The following USP10 variants were observed in gnomAD, a reference collection of about 807,000 sequenced individuals.
The protein encoded by USP10 is ubiquitin specific peptidase 10.
Under a neutral mutation model 84.5 loss-of-function variants are expected in USP10, and 22 were observed. The ratio of observed to expected loss-of-function variants is 0.26; its 90% CI spans 0.19 to 0.37. The LOEUF is 0.37. Ranked by LOEUF, USP10 falls within the 10% of genes least tolerant of loss-of-function variation. USP10 has a pLI of 1.00. For missense variants in USP10, 1,019 were observed against 998.9 expected, an observed-to-expected ratio of 1.02 and a Z score of -0.27; for synonymous variants, 454 against 387.6, an observed-to-expected ratio of 1.17 and a Z score of -2.01.
intron 4 of USP10, among the ~76,000 whole-genome samples, chr16:84,753,470 C>G (rs1912169208): frequency 6.6e-6 from 1 of 152,184 alleles, no homozygotes; most frequent in African/African-American, 2.4e-5. Context: ...AGCTGGCCGT[C>G]ATGCCGGGAG....
chr16:84,722,431 G>A (rs1907933100), intron 1 of USP10, among the ~76,000 whole-genome samples: 1 of 152,176 alleles, frequency 6.6e-6, no homozygotes, highest in African/African-American at 2.4e-5. Context: ...TTTCTTGTGG[G>A]TAAAATGTGG....
chr16:84,766,409 G>T (rs1913867524), intron 10 of USP10, among the ~76,000 whole-genome samples: 1 of 152,252 alleles, frequency 6.6e-6, no homozygotes, highest in Non-Finnish European at 1.5e-5. Context: ...GGTTCCTTGG[G>T]ACACGTCGTG....
chr16:84,769,323 G>A (rs1914185286), intron 11 of USP10, among the ~76,000 whole-genome samples: 2 of 152,228 alleles, frequency 1.3e-5, no homozygotes, highest in Admixed American at 6.5e-5. Context: ...GCACCTTCGG[G>A]GTGTCCTGCT....
intron 1 of USP10, among the ~76,000 whole-genome samples, chr16:84,730,427 A>C (rs906683766): frequency 2.0e-5 from 3 of 152,212 alleles, no homozygotes; most frequent in Admixed American, 2.0e-4. Context: ...AATTATTGAC[A>C]TGAAGTTATA....
chr16:84,764,819 G>C (rs891412455), intron 10 of USP10, among the ~76,000 whole-genome samples: 3 of 150,412 alleles, frequency 2.0e-5, no homozygotes, highest in Non-Finnish European at 4.4e-5. Flanking sequence ...GACAGAGTGA[G>C]ACTCTGTCTC....
intron 10 of USP10, among the ~76,000 whole-genome samples, chr16:84,767,379 T>A (rs1231479762): frequency 1.3e-5 from 2 of 151,942 alleles, no homozygotes; most frequent in African/African-American, 2.4e-5. Context: ...GAAAACAAGG[T>A]CAAATTGGCG....
Position 84,764,273 on chromosome 16 carries a change from T to C in USP10, c.1832+10T>C, listed in dbSNP as rs754221380. On this transcript the variant is annotated intron_variant, in intron 10 of 13. Coordinates refer to ENST00000219473, the MANE Select transcript of USP10 (RefSeq NM_005153.3). ...TTGGTGGACACATCAGGTTTGTGCT[T>C]TTCTGGAATAACTTAATATTTGCCT... The C allele has an allele frequency of 1.2e-6, 2 of 1,613,982 alleles. No homozygotes were observed. The highest frequency in any genetic ancestry group is 1.7e-6 in the Non-Finnish European group (2 of 1,179,878).
intron 2 of USP10, among the ~76,000 whole-genome samples, chr16:84,738,462 A>G (rs569802147): frequency 1.3e-5 from 2 of 152,238 alleles, no homozygotes; most frequent in South Asian, 4.2e-4. Context: ...TTTGAACGAG[A>G]TGGAGGCTTC....
At chr16:84,736,704 A>G (rs1401344533) in intron 2 of USP10, among the ~76,000 whole-genome samples, 1 of 152,148 alleles carries the variant, frequency 6.6e-6, no homozygotes, top group East Asian at 1.9e-4. Context: ...GCCCCCGATG[A>G]CATAGTGTTG....
intron 1 of USP10, among the ~76,000 whole-genome samples, chr16:84,718,571 C>A (rs895500222): frequency 1.4e-4 from 22 of 152,184 alleles, no homozygotes; most frequent in Admixed American, 3.9e-4. Context: ...TCCTGGCCAA[C>A]ATGGTAAAAC....
rs12599947 is a variant in USP10, at chr16:84,762,966, G to A, written c.1555-23G>A. The A allele has an allele frequency of 2.6e-5, 40 of 1,523,828 alleles. No individual in the cohort carries two copies. In the South Asian group the frequency reaches 4.1e-4, roughly 16 times the overall value. 94.4% of individuals were successfully genotyped at this position (1,523,828 alleles called of 1,614,324 possible). A position where few individuals can be genotyped will look rare whatever the true frequency, so the allele number is the denominator to read the frequency against. On this transcript the variant is annotated intron_variant, in intron 8 of 13. Transcript: ENST00000219473. ...TTGACAGTGATCAGTTCACAGTAACGTGATTATATTTGACCTTTTCAGGGT... is the reference window on the plus strand; with the variant it reads ...TTGACAGTGATCAGTTCACAGTAACATGATTATATTTGACCTTTTCAGGGT...
intron 1 of USP10, among the ~76,000 whole-genome samples, chr16:84,725,431 C>G (rs144784971): frequency 2.9e-4 from 44 of 151,864 alleles, no homozygotes; most frequent in African/African-American, 1.0e-3. Flanking sequence ...CGGAGTTTTG[C>G]TCTTGTTACC....
intron 1 of USP10, among the ~76,000 whole-genome samples, chr16:84,723,143 AG>A (rs1276500788): frequency 3.0e-5 from 4 of 132,612 alleles, no homozygotes; most frequent in African/African-American, 9.3e-5. Context: ...GATCACATCC[AG>A]GGTTTTTTTT....
intron 8 of USP10, among the ~76,000 whole-genome samples, chr16:84,761,754 A>G (rs1159134973): frequency 6.6e-6 from 1 of 152,284 alleles, no homozygotes; most frequent in Non-Finnish European, 1.5e-5. Context: ...TTTAGGCAGA[A>G]TCCCGTATCA....
At chr16:84,733,634 C>G (rs1355550194) in intron 2 of USP10, 131 bp downstream of exon 2, 1 of 573,234 alleles carries the variant, frequency 1.7e-6, no homozygotes, top group African/African-American at 2.0e-5. Flanking sequence ...TGAGAAATGC[C>G]TCAACCCACC....
At chr16:84,774,047 C>G (rs931613584) in intron 12 of USP10, among the ~76,000 whole-genome samples, 1 of 152,040 alleles carries the variant, frequency 6.6e-6, no homozygotes, top group Non-Finnish European at 1.5e-5. Context: ...GTCAGGAGTT[C>G]GAGACCAGCC....
At chr16:84,703,063 C>T (rs923195295) in intron 1 of USP10, among the ~76,000 whole-genome samples, 6 of 149,660 alleles carry the variant, frequency 4.0e-5, no homozygotes, top group Non-Finnish European at 8.9e-5. Context: ...GGTTAATAAC[C>T]TTATTTCCAA....
intron 8 of USP10, among the ~76,000 whole-genome samples, chr16:84,762,158 G>C (rs1204581902): frequency 2.0e-5 from 3 of 152,220 alleles, no homozygotes; most frequent in Non-Finnish European, 4.4e-5. Flanking sequence ...TTTTGCTGAT[G>C]TATGTGTAAC....
chr16:84,765,758 G>C (rs201757710), intron 10 of USP10, among the ~76,000 whole-genome samples: 1 of 152,194 alleles, frequency 6.6e-6, no homozygotes, highest in East Asian at 1.9e-4. Flanking sequence ...TGTGAAGGGA[G>C]GTCTTTTTTA....
Sources: allele counts gnomAD v4.1 joint callset (sites outside exome capture counted in the v4.1 genomes callset), GRCh38; gene constraint gnomAD v4.1.1; transcripts MANE v1.5; gene names NCBI Gene and HGNC (gene_info 2026-07-23, HGNC 2026-07-21).